ITGA8: variants seen among roughly 807,000 people sequenced by gnomAD.
ITGA8 encodes integrin subunit alpha 8, also known as integrin alpha-8.
In ITGA8, 91 loss-of-function variants were observed where a neutral mutation model predicts 142.3. The ratio of observed to expected loss-of-function variants is 0.64; its 90% CI spans 0.54 to 0.76. ITGA8 has a LOEUF of 0.76. Ranked by LOEUF, ITGA8 falls within the 30% of genes least tolerant of loss-of-function variation. The pLI is 0.00. For synonymous variants in ITGA8, 505 were observed against 485.2 expected (o/e 1.04, Z -0.54); for missense variants, 1,406 against 1,327.7 (o/e 1.06, Z -0.92).
At chr10:15,714,999 A>ATATTT (rs1326515932) in intron 2 of ITGA8, among the ~76,000 whole-genome samples, 3 of 152,218 alleles carry the variant, frequency 2.0e-5, no homozygotes, top group Non-Finnish European at 4.4e-5. Flanking sequence ...TGACAGATGA[A>ATATTT]TATTTGCAAT....
chr10:15,603,552 T>A (rs897126124), intron 20 of ITGA8, among the ~76,000 whole-genome samples: 2 of 152,188 alleles, frequency 1.3e-5, no homozygotes, highest in African/African-American at 4.8e-5. Context: ...ACCAAGTGAT[T>A]AAGGACACTG....
intron 11 of ITGA8, among the ~76,000 whole-genome samples, chr10:15,654,056 G>C (rs537163914): frequency 6.6e-6 from 1 of 151,962 alleles, no homozygotes; most frequent in Non-Finnish European, 1.5e-5. Flanking sequence ...GGCTGGCCTC[G>C]ACCTCCTGAC....
At chr10:15,577,993 T>C (rs535758786) in intron 23 of ITGA8, among the ~76,000 whole-genome samples, 1 of 152,300 alleles carries the variant, frequency 6.6e-6, no homozygotes, top group South Asian at 2.1e-4. Context: ...GATTCATATG[T>C]AGTTGTAAGA....
chr10:15,696,136 C>T (rs564028153), intron 2 of ITGA8, among the ~76,000 whole-genome samples: 32 of 152,330 alleles, frequency 2.1e-4, no homozygotes, highest in African/African-American at 5.5e-4. Context: ...AGGAAGGCAT[C>T]GGGTTACCCC....
intron 13 of ITGA8, among the ~76,000 whole-genome samples, chr10:15,634,681 G>A (rs1542290): frequency 0.66 from 100,362 of 151,970 alleles, 35,189 homozygotes; most frequent in South Asian, 0.86. Context: ...ATATTCTACC[G>A]TCAGCATCAT....
intron 10 of ITGA8, among the ~76,000 whole-genome samples, chr10:15,657,778 A>G (rs1337374068): frequency 1.3e-5 from 2 of 152,028 alleles, no homozygotes; most frequent in African/African-American, 4.8e-5. Flanking sequence ...TTACTTCCAC[A>G]GCTTTGTTCA....
chr10:15,718,335 A>T (rs1835492015), intron 2 of ITGA8, among the ~76,000 whole-genome samples: 1 of 152,220 alleles, frequency 6.6e-6, no homozygotes, highest in Non-Finnish European at 1.5e-5. Context: ...CTGGGTCTGC[A>T]GCAGCTAAGT....
In ITGA8 at chr10:15,646,772, T is replaced by C. The variant is rs553421425; in HGVS notation, c.1207+74A>G. The C allele has an allele frequency of 9.5e-5, 109 of 1,143,110 alleles. 1 individual carries two copies. In the South Asian group the frequency reaches 1.3e-3, roughly 14 times the overall value. The allele number at this position is 1,143,110 out of a possible 1,614,324, so 70.8% of individuals were successfully genotyped here. The stretch of plus-strand genomic sequence containing the variant: ...CACCCACACACACCATACTGAATAC[T>C]TTAAAACAGGCATGGTCTCCTTTAT... On this transcript the variant is annotated intron_variant, in intron 12 of 29. Coordinates refer to ENST00000378076, the MANE Select transcript of ITGA8 (RefSeq NM_003638.3).
rs1800205213 is a variant in ITGA8 at position 15,640,363 on chromosome 10, TATGCTG to T, written c.1399+3661_1399+3666del. ...TGTGCCACCCAGGGTCATTTTGGGG[TATGCTG>T]ATGTTATCGCTCTCAGGTGTATTTA... On this transcript the variant is annotated intron_variant, in intron 13 of 29. Coordinates refer to ENST00000378076, the MANE Select transcript of ITGA8 (RefSeq NM_003638.3). 3.3e-5 allele frequency among the ~76,000 whole-genome samples: 5 copies of T among 152,272 alleles called. No homozygotes were observed. In the South Asian group the frequency reaches 1.0e-3, roughly 32 times the overall value.
intron 27 of ITGA8, among the ~76,000 whole-genome samples, chr10:15,545,691 T>C (rs1343725617): frequency 6.6e-6 from 1 of 152,210 alleles, no homozygotes; most frequent in Non-Finnish European, 1.5e-5. Context: ...CCTGTTTTTT[T>C]TTTTAGCTTT....
chr10:15,703,669 AC>A (rs1588738538), intron 2 of ITGA8, among the ~76,000 whole-genome samples: 1 of 152,106 alleles, frequency 6.6e-6, no homozygotes, highest in East Asian at 1.9e-4. Flanking sequence ...GACAACGTTG[AC>A]CTCATCTTCT....
intron 10 of ITGA8, among the ~76,000 whole-genome samples, chr10:15,655,707 A>C (rs953470173): frequency 1.3e-5 from 2 of 152,168 alleles, no homozygotes; most frequent in East Asian, 3.9e-4. Flanking sequence ...GCTCTTCCAT[A>C]ACTTCTAGCA....
At chr10:15,675,835 C>G (rs1834618923) in intron 6 of ITGA8, among the ~76,000 whole-genome samples, 1 of 152,136 alleles carries the variant, frequency 6.6e-6, no homozygotes, top group Non-Finnish European at 1.5e-5. Context: ...GGACTGCAAG[C>G]CTTCAATGTG....
At chr10:15,550,885 G>A (rs1833782444) in intron 26 of ITGA8, among the ~76,000 whole-genome samples, 1 of 152,032 alleles carries the variant, frequency 6.6e-6, no homozygotes, top group African/African-American at 2.4e-5. Flanking sequence ...GGTGATAGGG[G>A]CCCGTTGCAA....
chr10:15,531,179 T>C (rs763793382), intron 27 of ITGA8, 28 bp from the exon 28 acceptor site: 9 of 1,222,216 alleles, frequency 7.4e-6, no homozygotes, highest in Admixed American at 5.4e-5. Flanking sequence ...TATTTAAATA[T>C]ATTTCATATA....
At chr10:15,568,181 C>T (rs1029234353) in intron 25 of ITGA8, among the ~76,000 whole-genome samples, 3 of 152,306 alleles carry the variant, frequency 2.0e-5, no homozygotes, top group South Asian at 4.1e-4. Context: ...ACTTCAGCTT[C>T]CCAAAGAGTT....
At chr10:15,593,826 C>T (rs1019453293) in intron 21 of ITGA8, among the ~76,000 whole-genome samples, 2 of 148,912 alleles carry the variant, frequency 1.3e-5, no homozygotes, top group Non-Finnish European at 3.0e-5. Flanking sequence ...TAAGGCATTA[C>T]GCCCCAGCAA....
intron 25 of ITGA8, among the ~76,000 whole-genome samples, chr10:15,571,809 G>A (rs909628273): frequency 6.6e-6 from 1 of 152,170 alleles, no homozygotes; most frequent in African/African-American, 2.4e-5. Context: ...GGCTGCAGCT[G>A]GAAGAGCCTC....
chr10:15,631,429 A>G (rs1208304492), intron 13 of ITGA8, among the ~76,000 whole-genome samples: 1 of 151,978 alleles, frequency 6.6e-6, no homozygotes, highest in African/African-American at 2.4e-5. Flanking sequence ...ACATGGATGA[A>G]GCTGGAAGTC....
Sources: gnomAD v4.1 joint callset for allele counts (sites outside exome capture counted in the v4.1 genomes callset) on GRCh38, gnomAD v4.1.1 for gene constraint, MANE v1.5 for transcripts, NCBI Gene and HGNC (gene_info 2026-07-23, HGNC 2026-07-21) for gene names.